CABYR: variants seen among roughly 807,000 people sequenced by gnomAD.
The protein encoded by CABYR is calcium binding tyrosine phosphorylation regulated, also known as calcium-binding tyrosine phosphorylation-regulated protein.
In CABYR, 31 loss-of-function variants were observed where a neutral mutation model predicts 36.1. That is an observed-to-expected ratio of 0.86 (90% CI 0.64 to 1.16). The LOEUF (loss-of-function observed/expected upper bound fraction) is 1.16, where lower values mean the gene tolerates loss of function less well. CABYR is among the 50% of genes most tolerant of loss of function. The pLI is 0.00. For missense variants in CABYR, 429 were observed against 455.8 expected (o/e 0.94, Z 0.53); for synonymous variants, 146 against 160.7 (o/e 0.91, Z 0.69).
rs771084857 is a variant in CABYR at position 24,161,497 on chromosome 18, T to A, written c.*-19T>A. The stretch of plus-strand genomic sequence containing the variant: ...ATGTTTAACTTTAAACAATTCAATG[T>A]TTGCATTATTCCTAACAGATCCAGA... On this transcript the variant is annotated intron_variant, in intron 5 of 5. Transcript: ENST00000399496. 2 of 780,076 alleles carry A rather than the reference T, an allele frequency of 2.6e-6. No individual in the cohort carries two copies. The highest frequency in any genetic ancestry group is 3.4e-5 in the African/African-American group (2 of 59,154). 48.3% of individuals were successfully genotyped at this position (780,076 alleles called of 1,614,324 possible). A position where few individuals can be genotyped will look rare whatever the true frequency, so the allele number is the denominator to read the frequency against.
intron 5 of CABYR, among the ~76,000 whole-genome samples, chr18:24,160,484 A>G (rs903433962): frequency 1.3e-5 from 2 of 152,230 alleles, no homozygotes; most frequent in Non-Finnish European, 2.9e-5. Flanking sequence ...ATTATGTAAC[A>G]GAACACTTAA....
intron 3 of CABYR, among the ~76,000 whole-genome samples, chr18:24,154,645 A>C (rs915143146): frequency 6.6e-6 from 1 of 152,242 alleles, no homozygotes; most frequent in African/African-American, 2.4e-5. Flanking sequence ...TTATGAAGCA[A>C]ATTCTGCTTT....
rs1326273493 is a variant in CABYR at position 24,143,262 on chromosome 18, T to G, written c.145+3T>G. The stretch of plus-strand genomic sequence containing the variant: ...TCAAGAACTTACTATGTATAGAGGT[T>G]TGTTATTCCTTTATATATTTGCTGC... On this transcript the variant is annotated splice_donor_region_variant and intron_variant, in intron 2 of 5. Coordinates refer to ENST00000399496, the MANE Select transcript of CABYR (RefSeq NM_153769.3). 2 of 1,606,632 alleles carry G rather than the reference T, an allele frequency of 1.2e-6. No homozygotes were observed. Among genetic ancestry groups the G allele is most frequent in the Non-Finnish European group, 1.7e-6 (2 of 1,178,036 alleles).
chr18:24,142,644 GT>G (rs11403423), intron 1 of CABYR, among the ~76,000 whole-genome samples: 7,286 of 144,866 alleles, frequency 0.05, 520 homozygotes, highest in African/African-American at 0.17. Context: ...AGGGTTGTGT[GT>G]TTTTTTTTTT....
rs2085900322 is a variant in CABYR, at chr18:24,159,813, G to C, written c.883G>C (p.Val295Leu). 1.2e-6 allele frequency: 2 copies of C among 1,614,024 alleles called. No homozygotes were observed. The highest frequency in any genetic ancestry group is 1.3e-5 in the African/African-American group (1 of 75,038). The part of the protein sequence containing the change: ...SDVLRYVAMQ[V>L]PIAVPADEKY... ...TGTCTTGAGATATGTTGCAATGCAA[G>C]TGCCCATTGCTGTTCCTGCAGATGA... Residue 295 changes from valine (V) to leucine (L), a missense_variant, in exon 5 of 6, where the codon GTG becomes CTG. By Grantham distance (32) the Val-to-Leu change is conservative (BLOSUM62 1). Transcript: ENST00000399496.
At chr18:24,155,451 A>G (rs1014707912) in intron 3 of CABYR, among the ~76,000 whole-genome samples, 1 of 152,090 alleles carries the variant, frequency 6.6e-6, no homozygotes, top group African/African-American at 2.4e-5. Flanking sequence ...ATTTGTGTCT[A>G]TACTGACATC....
intron 3 of CABYR, among the ~76,000 whole-genome samples, chr18:24,150,962 G>C (rs182203897): frequency 1.6e-4 from 25 of 152,060 alleles, no homozygotes; most frequent in African/African-American, 5.8e-4. Flanking sequence ...TGTATTTTTA[G>C]TAGAGACAGG....
At position 24,149,864 on chromosome 18, in the gene CABYR, G is replaced by A. The variant is rs529743510; in HGVS notation, c.200-5837G>A. On this transcript the variant is annotated intron_variant, in intron 3 of 5. Coordinates refer to ENST00000399496, the MANE Select transcript of CABYR (RefSeq NM_153769.3). ...CTGCTCGGAATGCGGGGCCCGCCAA[G>A]CCCATGCCCACTCGGAACTCCAGCT... Among the ~76,000 whole-genome samples, 6 of 152,358 alleles carry A rather than the reference G, an allele frequency of 3.9e-5. No homozygotes were observed. In the South Asian group the frequency reaches 1.2e-3, roughly 32 times the overall value.
chr18:24,155,242 T>G (rs987032918), intron 3 of CABYR, among the ~76,000 whole-genome samples: 1 of 152,182 alleles, frequency 6.6e-6, no homozygotes, highest in African/African-American at 2.4e-5. Flanking sequence ...TTCAGCTTCC[T>G]TAGTTCTAGG....
intron 3 of CABYR, among the ~76,000 whole-genome samples, chr18:24,148,257 T>C (rs2085507304): frequency 6.6e-6 from 1 of 152,076 alleles, no homozygotes; most frequent in African/African-American, 2.4e-5. Context: ...CTCCCAGGTA[T>C]TGAAATAAAT....
chr18:24,139,541 G>A (rs1235217599), intron 1 of CABYR: 1 of 152,320 alleles, frequency 6.6e-6, no homozygotes, highest in African/African-American at 2.4e-5. Flanking sequence ...CTCGCTTAAG[G>A]CGTTACCCTT....
intron 1 of CABYR, among the ~76,000 whole-genome samples, chr18:24,140,576 TTC>T (rs746105496): frequency 2.6e-5 from 4 of 152,092 alleles, no homozygotes; most frequent in South Asian, 2.1e-4. Flanking sequence ...GTTATACTCT[TTC>T]TGTTATTTTA....
At chr18:24,145,510 T>C (rs892495107) in intron 3 of CABYR, among the ~76,000 whole-genome samples, 2 of 152,142 alleles carry the variant, frequency 1.3e-5, no homozygotes, top group African/African-American at 2.4e-5. Flanking sequence ...ATTTGAGTCT[T>C]CAGTGTGGCT....
chr18:24,160,515 A>G (rs552765896), intron 5 of CABYR, among the ~76,000 whole-genome samples: 1 of 152,214 alleles, frequency 6.6e-6, no homozygotes, highest in Admixed American at 6.5e-5. Context: ...AAGAGGCAGT[A>G]GATGGAGAGG....
chr18:24,155,984 C>CTCACCAGA lies in CABYR; in HGVS notation c.484_491dup (p.Glu164AspfsTer20). ...CCTCATCACCACCTCCAACAGCTGTCTCACCAGAGTTTGCCTACGTCCCAG... is the reference window on the plus strand; with the variant it reads ...CCTCATCACCACCTCCAACAGCTGTCTCACCAGATCACCAGAGTTTGCCTACGTCCCAG... On this transcript the variant is annotated frameshift_variant, in exon 4 of 6. Coordinates refer to ENST00000399496, the MANE Select transcript of CABYR (RefSeq NM_153769.3). LOFTEE classifies it high-confidence loss of function. The CTCACCAGA allele has an allele frequency of 6.2e-7, 1 of 1,614,230 alleles. No homozygotes were observed. Among genetic ancestry groups the CTCACCAGA allele is most frequent in the East Asian group, 2.2e-5 (1 of 44,886 alleles).
intron 3 of CABYR, among the ~76,000 whole-genome samples, 193 bp downstream of exon 3, chr18:24,143,606 G>T (rs536816063): frequency 1.3e-5 from 2 of 149,696 alleles, no homozygotes; most frequent in African/African-American, 4.9e-5. Flanking sequence ...CAGCGGCGCC[G>T]TCATAGCTCA....
chr18:24,146,330 G>T (rs958548501), intron 3 of CABYR, among the ~76,000 whole-genome samples: 1 of 152,102 alleles, frequency 6.6e-6, no homozygotes, highest in African/African-American at 2.4e-5. Context: ...ACTAAAAAAC[G>T]AGCCAACAGA....
chr18:24,142,877 C>G (rs1195233496), intron 1 of CABYR, among the ~76,000 whole-genome samples: 4 of 151,690 alleles, frequency 2.6e-5, no homozygotes, highest in Non-Finnish European at 5.9e-5. Context: ...CTAAAAAATA[C>G]AAAAAATTAG....
rs1014580465 is a variant in CABYR at position 24,149,218 on chromosome 18, C to T, written c.199+5805C>T. Among the ~76,000 whole-genome samples the T allele has an allele frequency of 1.3e-4, 20 of 149,718 alleles. No individual in the cohort carries two copies. The East Asian group carries it at 2.0e-3, about 15-fold the overall frequency. On this transcript the variant is annotated intron_variant, in intron 3 of 5. Coordinates refer to ENST00000399496, the MANE Select transcript of CABYR (RefSeq NM_153769.3). ...GCTAGACACAGGGTGCTGATTGGTG[C>T]GTTTACAAACCTTGAGCTAGATACA... is the stretch of plus-strand genomic sequence containing the variant.
Sources: allele counts gnomAD v4.1 joint callset (sites outside exome capture counted in the v4.1 genomes callset), GRCh38; gene constraint gnomAD v4.1.1; transcripts MANE v1.5; gene names NCBI Gene and HGNC (gene_info 2026-07-23, HGNC 2026-07-21).